The following MYCBP2 variants were observed in gnomAD, a reference collection of about 807,000 sequenced individuals.
MYCBP2 encodes MYC binding protein 2, also known as E3 ubiquitin-protein ligase MYCBP2.
A neutral mutation model predicts 525.3 loss-of-function variants in MYCBP2; 120 were observed. The ratio of observed to expected loss-of-function variants is 0.23; its 90% CI spans 0.20 to 0.27. MYCBP2 has a LOEUF of 0.27. Ranked by LOEUF, MYCBP2 falls within the 10% of genes least tolerant of loss-of-function variation. The pLI is 1.00. For synonymous variants in MYCBP2, 1,894 were observed against 1,955.8 expected, an observed-to-expected ratio of 0.97 and a Z score of 0.83; for missense variants, 4,149 against 5,657.1, an observed-to-expected ratio of 0.73 and a Z score of 8.55.
At chr13:77,215,715 C>T (rs1232698567) in intron 21 of MYCBP2, among the ~76,000 whole-genome samples, 2 of 152,122 alleles carry the variant, frequency 1.3e-5, no homozygotes, top group African/African-American at 4.8e-5. Flanking sequence ...ACCTCCTGAG[C>T]AGCTAGGACC....
At chr13:77,231,780 A>C (rs2067169550) in intron 18 of MYCBP2, among the ~76,000 whole-genome samples, 2 of 152,224 alleles carry the variant, frequency 1.3e-5, no homozygotes, top group African/African-American at 2.4e-5. Context: ...TGGGGGAAGA[A>C]AGAAACTGAA....
At position 77,314,933 on chromosome 13, in the gene MYCBP2, TA is replaced by T. The variant is rs1386653198; in HGVS notation, c.302+11540del. On this transcript the variant is annotated intron_variant, in intron 1 of 82. Transcript: ENST00000544440. ...GAACTTAAAACTGCTCTTAAAAAAA[TA>T]TTTTTTTTAAAAAAGGAGGGAGTTA... Among the ~76,000 whole-genome samples, 13 of 152,122 alleles carry T rather than the reference TA, an allele frequency of 8.5e-5. No individual in the cohort carries two copies. In the South Asian group the frequency reaches 2.7e-3, roughly 31 times the overall value.
chr13:77,086,993 T>G (rs1024361306), intron 62 of MYCBP2, among the ~76,000 whole-genome samples: 2 of 152,316 alleles, frequency 1.3e-5, no homozygotes, highest in African/African-American at 4.8e-5. Flanking sequence ...ATTCTACATT[T>G]ACATAGATAA....
In MYCBP2 at chr13:77,288,219, C is replaced by T. The variant is rs1262540906; in HGVS notation, c.536G>A (p.Gly179Glu). The change falls in exon 3 of 83, where the codon GGA becomes GAA. Residue 179 changes from glycine (G) to glutamate (E), a missense_variant. Coordinates refer to ENST00000544440, the MANE Select transcript of MYCBP2 (RefSeq NM_015057.5). ...CTCTTCTTCATCACTATCTGATTCT[C>T]CACTCTGCACAGAGTTCTTAGATGC... is the stretch of plus-strand genomic sequence containing the variant. The part of the protein sequence containing the change: ...AAASKNSVQS[G>E]ESDSDEEEES... 1 of 1,614,186 alleles carries T rather than the reference C, an allele frequency of 6.2e-7. No individual in the cohort carries two copies. Among genetic ancestry groups the T allele is most frequent in the Admixed American group, 1.7e-5 (1 of 60,026 alleles).
In MYCBP2 at chr13:77,146,191, T is replaced by C. The variant is rs2055518560; in HGVS notation, c.7158A>G (p.Glu2386=). ...MKVYENYSFE[E]LRFASPTPKR... ...TAGGAGTTGGTGATGCAAAACGTAG[T>C]TCTTCAAATGAATAATTTTCATAAA... is the stretch of plus-strand genomic sequence containing the variant. The change falls in exon 48 of 83, where the codon GAA becomes GAG. Residue 2386 remains glutamate (E), a synonymous_variant. Coordinates refer to ENST00000544440, the MANE Select transcript of MYCBP2 (RefSeq NM_015057.5). 1.3e-6 allele frequency: 2 copies of C among 1,598,476 alleles called. No individual in the cohort carries two copies. Among genetic ancestry groups the C allele is most frequent in the African/African-American group, 1.3e-5 (1 of 74,440 alleles).
At chr13:77,223,779 C>T (rs144657404) in intron 20 of MYCBP2, among the ~76,000 whole-genome samples, 5 of 152,300 alleles carry the variant, frequency 3.3e-5, no homozygotes, top group Non-Finnish European at 7.4e-5. Flanking sequence ...TGGAAAGGTA[C>T]ACCCTTTCCC....
chr13:77,139,919 A>T, intron 51 of MYCBP2, 128 bp downstream of exon 51: 1 of 570,170 alleles, frequency 1.8e-6, no homozygotes. Context: ...TCTATAAAAT[A>T]GTTTTAAAAT....
intron 7 of MYCBP2, among the ~76,000 whole-genome samples, chr13:77,268,697 T>A (rs2074434522): frequency 6.6e-6 from 1 of 151,850 alleles, no homozygotes; most frequent in Non-Finnish European, 1.5e-5. Context: ...GAGAATCGCC[T>A]GAACCTGGGA....
At chr13:77,198,023 A>C (rs1396397012) in intron 26 of MYCBP2, among the ~76,000 whole-genome samples, 1 of 152,178 alleles carries the variant, frequency 6.6e-6, no homozygotes, top group African/African-American at 2.4e-5. Flanking sequence ...GAAAAGAAAA[A>C]ATCTCTTAGA....
chr13:77,310,177 A>T (rs1162904673), intron 1 of MYCBP2, among the ~76,000 whole-genome samples: 1 of 152,202 alleles, frequency 6.6e-6, no homozygotes, highest in African/African-American at 2.4e-5. Context: ...CTATTTTCAA[A>T]TAAAGCAATA....
Position 77,058,087 on chromosome 13 carries a change from G to GCCCA in MYCBP2, c.13329+130_13329+131insTGGG. 1.1e-6 allele frequency: 1 copy of GCCCA among 925,688 alleles called. No homozygotes were observed. The highest frequency in any genetic ancestry group is 1.6e-6 in the Non-Finnish European group (1 of 618,040). The allele number at this position is 925,688 out of a possible 1,614,324, so 57.3% of individuals were successfully genotyped here. A position where few individuals can be genotyped will look rare whatever the true frequency, so the allele number is the denominator to read the frequency against. On this transcript the variant is annotated intron_variant, in intron 78 of 82. Transcript: ENST00000544440. The surrounding 1 kb of genome is among the most constrained non-coding windows in gnomAD (Gnocchi z 4.1). ...GATCTCCTGACCTCGTGATCCACCTGCCTCGGCCTCCCAAAGTGCTGGGAT... is the reference window on the plus strand; with the variant it reads ...GATCTCCTGACCTCGTGATCCACCTGCCCACCTCGGCCTCCCAAAGTGCTGGGAT...
At chr13:77,054,603 CTTT>C (rs113625592) in intron 80 of MYCBP2, among the ~76,000 whole-genome samples, 6 of 140,010 alleles carry the variant, frequency 4.3e-5, no homozygotes, top group Admixed American at 7.1e-5. Flanking sequence ...TTGGTAAAGT[CTTT>C]TTTTTTTTTT....
At chr13:77,235,021 C>T (rs1471125032) in intron 17 of MYCBP2, among the ~76,000 whole-genome samples, 1 of 151,928 alleles carries the variant, frequency 6.6e-6, no homozygotes, top group Non-Finnish European at 1.5e-5. Context: ...AGCAATTGGG[C>T]TCGAAAATAC....
intron 37 of MYCBP2, among the ~76,000 whole-genome samples, chr13:77,172,731 C>G (rs2059264722): frequency 6.6e-6 from 1 of 152,172 alleles, no homozygotes; most frequent in Non-Finnish European, 1.5e-5. Context: ...CTGGCTGTAA[C>G]TGTGGAAGGG....
intron 14 of MYCBP2, among the ~76,000 whole-genome samples, chr13:77,254,680 T>G (rs1041309263): frequency 6.6e-6 from 1 of 151,886 alleles, no homozygotes; most frequent in East Asian, 1.9e-4. Flanking sequence ...TTCACCCTAC[T>G]CTGCTCCTGA....
In MYCBP2 at chr13:77,294,104, CTATATA is replaced by C. The variant is rs1197370334; in HGVS notation, c.378+2489_378+2494del. Among the ~76,000 whole-genome samples, 8 of 41,910 alleles carry C rather than the reference CTATATA, an allele frequency of 1.9e-4. 1 individual carries two copies. Among genetic ancestry groups the C allele is most frequent in the Admixed American group, 9.9e-4 (3 of 3,042 alleles). 27.5% of individuals were successfully genotyped at this position (41,910 alleles called of 152,430 possible). On this transcript the variant is annotated intron_variant, in intron 2 of 82. Transcript: ENST00000544440. ...GATAGCCATAAAGTAGATATAATGG[CTATATA>C]TATATATATATATATATATACATAT...
chr13:77,064,149 G>T (rs544543620), intron 73 of MYCBP2, among the ~76,000 whole-genome samples: 1 of 152,268 alleles, frequency 6.6e-6, no homozygotes, highest in African/African-American at 2.4e-5. Context: ...CCCTGCCCTG[G>T]ACAAGCACTT....
intron 2 of MYCBP2, among the ~76,000 whole-genome samples, chr13:77,292,180 TCTTTCTGACATGA>T (rs2077548457): frequency 6.6e-6 from 1 of 152,230 alleles, no homozygotes; most frequent in Admixed American, 6.5e-5. Flanking sequence ...AGCATGTCTT[TCTTTCTGACATGA>T]AAGCTCAGTC....
At chr13:77,204,914 G>A (rs972187685) in intron 26 of MYCBP2, among the ~76,000 whole-genome samples, 1 of 106,202 alleles carries the variant, frequency 9.4e-6, no homozygotes, top group African/African-American at 3.6e-5. Flanking sequence ...GGGGGGAGGG[G>A]GGAGGGATAG....
Sources: allele counts gnomAD v4.1 joint callset (sites outside exome capture counted in the v4.1 genomes callset), GRCh38; gene constraint gnomAD v4.1.1; non-coding constraint Gnocchi (gnomAD v3.1); transcripts MANE v1.5; gene names NCBI Gene and HGNC (gene_info 2026-07-23, HGNC 2026-07-21).